MAN2C1: variants seen among roughly 807,000 people sequenced by gnomAD.
MAN2C1 encodes mannosidase alpha class 2C member 1, also known as alpha-mannosidase 2C1.
In MAN2C1, 111 loss-of-function variants were observed where a neutral mutation model predicts 126.9. The observed-to-expected ratio is 0.87, with a 90% CI of 0.75 to 1.02. MAN2C1 has a LOEUF of 1.02. MAN2C1 is among the 50% of genes least tolerant of loss of function. The pLI is 0.00. For missense variants in MAN2C1, 1,363 were observed against 1,364.4 expected (o/e 1.00, Z 0.02); for synonymous variants, 567 against 561.5 (o/e 1.01, Z -0.14).
At position 75,356,455 on chromosome 15, in the gene MAN2C1, G is replaced by A. The variant is rs764165429; in HGVS notation, c.2738-6C>T. The A allele has an allele frequency of 1.3e-6, 2 of 1,592,012 alleles. No individual in the cohort carries two copies. Among genetic ancestry groups the A allele is most frequent in the Non-Finnish European group, 1.7e-6 (2 of 1,170,762 alleles). On this transcript the variant is annotated splice_region_variant and splice_polypyrimidine_tract_variant and intron_variant, in intron 23 of 25. Transcript: ENST00000267978. The surrounding 1 kb of genome is among the most constrained non-coding windows in gnomAD (Gnocchi z 5.8). ...GCCAGCATCCTGGAAAGAGCCTGGG[G>A]TACGACCAGGAAACAATGCTGGTGG...
In MAN2C1 at chr15:75,360,208, T is replaced by C; in HGVS notation, c.1588A>G (p.Lys530Glu). The C allele has an allele frequency of 6.2e-7, 1 of 1,608,880 alleles. No homozygotes were observed. Among genetic ancestry groups the C allele is most frequent in the Non-Finnish European group, 8.5e-7 (1 of 1,179,962 alleles). The change falls in exon 14 of 26, where the codon AAG becomes GAG. Residue 530 changes from lysine (K) to glutamate (E), a missense_variant. By Grantham distance (56) the Lys-to-Glu change is moderately conservative. Coordinates refer to ENST00000267978, the MANE Select transcript of MAN2C1 (RefSeq NM_006715.4). ...NGTYTTHAQI[K>E]KGNRECERIL... The stretch of plus-strand genomic sequence containing the variant: ...CGCTCACATTCCCGGTTCCCCTTCT[T>C]GATCTGAGCCCAGGATGGGAAGATT...
Position 75,361,767 on chromosome 15 carries a change from G to A in MAN2C1, c.1102-47C>T, listed in dbSNP as rs372741771. The A allele has an allele frequency of 2.2e-4, 350 of 1,587,416 alleles. No individual in the cohort carries two copies. Among genetic ancestry groups the A allele is most frequent in the Non-Finnish European group, 2.7e-4 (310 of 1,156,104 alleles). The stretch of plus-strand genomic sequence containing the variant: ...GAGTGCAGGAACCAGAGCTCCAGGC[G>A]GACTCACCCCAGCCTCAGCCCCTCA... On this transcript the variant is annotated intron_variant, in intron 9 of 25. Transcript: ENST00000267978. The surrounding 1 kb of genome is among the most constrained non-coding windows in gnomAD (Gnocchi z 5.0).
intron 12 of MAN2C1, 154 bp from the exon 13 acceptor site, chr15:75,360,842 C>T (rs899558586): frequency 5.1e-6 from 6 of 1,187,756 alleles, no homozygotes; most frequent in Non-Finnish European, 7.0e-6. Flanking sequence ...CCTAGGAGAG[C>T]CTCTCTCTCT....
At chr15:75,368,349 C>A in intron 1 of MAN2C1, 134 bp downstream of exon 1, 2 of 1,392,954 alleles carry the variant, frequency 1.4e-6, no homozygotes, top group East Asian at 2.5e-5. Context: ...ACCCCCTCCT[C>A]CCCGGCCCCT....
chr15:75,359,464 C>A (rs1174768758), intron 16 of MAN2C1, 39 bp from the exon 17 acceptor site: 1 of 1,585,702 alleles, frequency 6.3e-7, no homozygotes, highest in Non-Finnish European at 8.6e-7. Flanking sequence ...GCCTTCCTGA[C>A]CTTTCAGGAA....
chr15:75,360,196 G>A lies in MAN2C1; in HGVS notation c.1600C>T (p.Arg534Trp), dbSNP rs752368623. 40 of 1,610,548 alleles carry A rather than the reference G, an allele frequency of 2.5e-5. No individual in the cohort carries two copies. The highest frequency in any genetic ancestry group is 4.5e-5 in the East Asian group (2 of 44,878). The change falls in exon 14 of 26, where the codon CGG becomes TGG. Residue 534 changes from arginine (R) to tryptophan (W), a missense_variant. Around this residue, in one of 3 missense-constraint regions of MAN2C1, gnomAD observed 67 missense variants for 104.5 expected, o/e 0.64. Coordinates refer to ENST00000267978, the MANE Select transcript of MAN2C1 (RefSeq NM_006715.4). ...TTHAQIKKGNRECERILHDVE... is the reference protein window; with the variant it reads ...TTHAQIKKGNWECERILHDVE... ...TCGTGCAGGATCCGCTCACATTCCC[G>A]GTTCCCCTTCTTGATCTGAGCCCAG... is the stretch of plus-strand genomic sequence containing the variant.
chr15:75,366,062 C>T (rs1403338651), intron 4 of MAN2C1: 8 of 323,186 alleles, frequency 2.5e-5, no homozygotes, highest in East Asian at 1.1e-4. Flanking sequence ...ACTCCAGCAT[C>T]GGCGACAGAG....
chr15:75,363,568 G>A (rs2072518526), intron 6 of MAN2C1, among the ~76,000 whole-genome samples: 1 of 152,202 alleles, frequency 6.6e-6, no homozygotes. Flanking sequence ...CACTTTGGGA[G>A]GCCAAGGCAG....
In MAN2C1 at chr15:75,361,277, A is replaced by T; in HGVS notation, c.1314+9T>A. ...TGCCCCTACCCCACCACCCTAGGTG[A>T]CCCCTCACCTCCTCCACGCTGCCCT... On this transcript the variant is annotated intron_variant, in intron 11 of 25. Transcript: ENST00000267978. This position sits in a 1 kb window ranked among gnomAD's most constrained non-coding sequence, Gnocchi z 5.0. The T allele has an allele frequency of 6.4e-7, 1 of 1,574,196 alleles. No homozygotes were observed. Among genetic ancestry groups the T allele is most frequent in the Non-Finnish European group, 8.6e-7 (1 of 1,159,628 alleles).
Position 75,361,739 on chromosome 15 carries a change from C to T in MAN2C1, c.1102-19G>A. On this transcript the variant is annotated intron_variant, in intron 9 of 25. Coordinates refer to ENST00000267978, the MANE Select transcript of MAN2C1 (RefSeq NM_006715.4). This position sits in a 1 kb window ranked among gnomAD's most constrained non-coding sequence, Gnocchi z 5.0. Reference sequence around the variant, plus strand: ...GCCAGAACTGTGGAGAAAGAGGATCCTGGAGTGCAGGAACCAGAGCTCCAG... The same window carrying T: ...GCCAGAACTGTGGAGAAAGAGGATCTTGGAGTGCAGGAACCAGAGCTCCAG... The T allele has an allele frequency of 6.2e-7, 1 of 1,608,674 alleles. No homozygotes were observed. The highest frequency in any genetic ancestry group is 2.2e-5 in the East Asian group (1 of 44,866).
Position 75,356,712 on chromosome 15 carries a change from C to A in MAN2C1, c.2658-27G>T. ...TGGGGTGAGGAGGGCGCGTAGGGGC[C>A]ACGCTGAAGCTGTTGGAGTTGTGGT... On this transcript the variant is annotated intron_variant, in intron 22 of 25. Coordinates refer to ENST00000267978, the MANE Select transcript of MAN2C1 (RefSeq NM_006715.4). This position sits in a 1 kb window ranked among gnomAD's most constrained non-coding sequence, Gnocchi z 5.8. 1 of 1,610,870 alleles carries A rather than the reference C, an allele frequency of 6.2e-7. No homozygotes were observed. The highest frequency in any genetic ancestry group is 8.5e-7 in the Non-Finnish European group (1 of 1,178,524).
chr15:75,368,089 C>CG lies in MAN2C1; in HGVS notation c.210dup (p.Asp71ArgfsTer34). Reference sequence around the variant, plus strand: ...GTTACCTACGTGGGTCCGAAGCTGTCGCCGACCTGCGCGGGGCGGAAGTCC... The same window carrying CG: ...GTTACCTACGTGGGTCCGAAGCTGTCGGCCGACCTGCGCGGGGCGGAAGTCC... On this transcript the variant is annotated frameshift_variant, in exon 2 of 26. Coordinates refer to ENST00000267978, the MANE Select transcript of MAN2C1 (RefSeq NM_006715.4). LOFTEE classifies it high-confidence loss of function. The CG allele has an allele frequency of 6.2e-7, 1 of 1,607,268 alleles. No individual in the cohort carries two copies. The highest frequency in any genetic ancestry group is 1.3e-5 in the African/African-American group (1 of 74,998).
rs2072639721 is a variant in MAN2C1, at chr15:75,368,527, C to T, written c.57G>A (p.Lys19=). 1.3e-6 allele frequency: 2 copies of T among 1,556,012 alleles called. No individual in the cohort carries two copies. Among genetic ancestry groups the T allele is most frequent in the East Asian group, 2.4e-5 (1 of 41,374 alleles). The part of the protein sequence containing the change: ...HWRTTLERVE[K]FVSPLYFTDC... ...CGGTAAAGTAGAGCGGCGACACGAACTTCTCCACCCGCTCCAGCGTGGTGC... is the reference window on the plus strand; with the variant it reads ...CGGTAAAGTAGAGCGGCGACACGAATTTCTCCACCCGCTCCAGCGTGGTGC... The change falls in exon 1 of 26, where the codon AAG becomes AAA. Residue 19 remains lysine, a synonymous_variant. Transcript: ENST00000267978.
chr15:75,356,776 G>C lies in MAN2C1; in HGVS notation c.2657+17C>G. On this transcript the variant is annotated intron_variant, in intron 22 of 25. Coordinates refer to ENST00000267978, the MANE Select transcript of MAN2C1 (RefSeq NM_006715.4). The surrounding 1 kb of genome is among the most constrained non-coding windows in gnomAD (Gnocchi z 5.8). ...TTCTCCATGCCAGCTCCCAGGCCTG[G>C]TGGGTACCCCACTTACAGCGAGAGG... is the stretch of plus-strand genomic sequence containing the variant. The C allele has an allele frequency of 1.2e-6, 2 of 1,613,850 alleles. No homozygotes were observed. Among genetic ancestry groups the C allele is most frequent in the Non-Finnish European group, 8.5e-7 (1 of 1,179,878 alleles).
At chr15:75,358,880 G>C (rs1044043364) in intron 18 of MAN2C1, 72 bp from the exon 19 acceptor site, 9 of 1,409,866 alleles carry the variant, frequency 6.4e-6, no homozygotes, top group Non-Finnish European at 7.9e-6. Context: ...GGTGGGGTAG[G>C]GTGGAGTGAG....
rs1567281138 is a variant in MAN2C1 at position 75,361,964 on chromosome 15, T to TGGACGGG, written c.1009-18_1009-17insCCCGTCC. 6.2e-7 allele frequency: 1 copy of TGGACGGG among 1,601,870 alleles called. No homozygotes were observed. Among genetic ancestry groups the TGGACGGG allele is most frequent in the East Asian group, 2.2e-5 (1 of 44,828 alleles). ...GTTCCCATCCTGGCAGTGAAGGAAG[T>TGGACGGG]GGGAGGCAGCCCAGGTCAGCGCTGG... On this transcript the variant is annotated splice_polypyrimidine_tract_variant and intron_variant, in intron 8 of 25. Coordinates refer to ENST00000267978, the MANE Select transcript of MAN2C1 (RefSeq NM_006715.4). This position sits in a 1 kb window ranked among gnomAD's most constrained non-coding sequence, Gnocchi z 5.0.
At chr15:75,366,367 GA>G in intron 4 of MAN2C1, 154 bp downstream of exon 4, 1 of 654,784 alleles carries the variant, frequency 1.5e-6, no homozygotes. Context: ...TTATGGTTAG[GA>G]AAAAATCATG....
At position 75,362,273 on chromosome 15, in the gene MAN2C1, G is replaced by A; in HGVS notation, c.1008+70C>T. 1 of 1,395,790 alleles carries A rather than the reference G, an allele frequency of 7.2e-7. No individual in the cohort carries two copies. The highest frequency in any genetic ancestry group is 1.0e-6 in the Non-Finnish European group (1 of 991,206). 86.5% of individuals were successfully genotyped at this position (1,395,790 alleles called of 1,614,324 possible). A position where few individuals can be genotyped will look rare whatever the true frequency, so the allele number is the denominator to read the frequency against. The stretch of plus-strand genomic sequence containing the variant: ...CGTGGAAACTCACCAGCAAAGCCGG[G>A]AGGGCGGGGCTACCTGAGGGAAGGC... On this transcript the variant is annotated intron_variant, in intron 8 of 25. Coordinates refer to ENST00000267978, the MANE Select transcript of MAN2C1 (RefSeq NM_006715.4). The surrounding 1 kb of genome is among the most constrained non-coding windows in gnomAD (Gnocchi z 4.5).
Position 75,360,687 on chromosome 15 carries a change from C to A in MAN2C1, c.1462G>T (p.Val488Leu), listed in dbSNP as rs764151757. Residue 488 changes from valine (V) to leucine (L), a missense_variant and splice_region_variant, in exon 13 of 26, where the codon GTG (valine) becomes TTG (leucine). Around this residue, in one of 3 missense-constraint regions of MAN2C1, gnomAD observed 67 missense variants for 104.5 expected, o/e 0.64. Coordinates refer to ENST00000267978, the MANE Select transcript of MAN2C1 (RefSeq NM_006715.4). Reference sequence around the variant, plus strand: ...AGCTGTCTTGGAGAAGATAGCTGCACCCTGAGGAGACCACAAGCCTAGGTC... The same window carrying A: ...AGCTGTCTTGGAGAAGATAGCTGCAACCTGAGGAGACCACAAGCCTAGGTC... ...RLSNTDGLPR[V>L]QLSSPRQLFS... 1 of 1,613,244 alleles carries A rather than the reference C, an allele frequency of 6.2e-7. No individual in the cohort carries two copies. The highest frequency in any genetic ancestry group is 8.5e-7 in the Non-Finnish European group (1 of 1,179,916).
Sources: allele counts gnomAD v4.1 joint callset (sites outside exome capture counted in the v4.1 genomes callset), GRCh38; gene constraint gnomAD v4.1.1; regional missense constraint gnomAD v4.1.1; non-coding constraint Gnocchi (gnomAD v3.1); transcripts MANE v1.5; gene names NCBI Gene and HGNC (gene_info 2026-07-23, HGNC 2026-07-21).